The following FRMPD4 variants were observed in gnomAD, a reference collection of about 807,000 sequenced individuals.
The protein encoded by FRMPD4 is FERM and PDZ domain containing 4.
A neutral mutation model predicts 94.1 loss-of-function variants in FRMPD4; 22 were observed. The observed-to-expected ratio is 0.23, with a 90% CI of 0.17 to 0.33. The LOEUF is 0.33. Among genes scored for constraint, FRMPD4 ranks in the 10% least tolerant of loss-of-function variants. The pLI is 1.00. For missense variants in FRMPD4, 1,111 were observed against 1,339.9 expected (o/e 0.83, Z 2.67); for synonymous variants, 631 against 548.6 (o/e 1.15, Z -2.10).
intron 3 of FRMPD4, among the ~76,000 whole-genome samples, chrX:12,096,589 C>T (rs1445908030): frequency 8.9e-6 from 1 of 111,881 alleles, no homozygotes; most frequent in Non-Finnish European, 1.9e-5. Context: ...GATCAAAATC[C>T]GTTAATCAAA....
chrX:12,065,463 G>C (rs2054913034), intron 3 of FRMPD4, among the ~76,000 whole-genome samples: 1 of 112,062 alleles, frequency 8.9e-6, no homozygotes, highest in Non-Finnish European at 1.9e-5. Flanking sequence ...CATTGAAAAG[G>C]CGCAGGCGTT....
intron 14 of FRMPD4, 71 bp from the exon 15 acceptor site, chrX:12,715,998 G>GCCGGGCC: frequency 2.6e-6 from 1 of 383,858 alleles, no homozygotes; most frequent in Non-Finnish European, 4.7e-6. Context: ...ACAGAGACGA[G>GCCGGGCC]CCTCCCACCC....
At chrX:12,298,791 T>A (rs2054812310) in intron 1 of FRMPD4, among the ~76,000 whole-genome samples, 1 of 112,309 alleles carries the variant, frequency 8.9e-6, no homozygotes, top group African/African-American at 3.2e-5. Context: ...GCATCCAACC[T>A]AAAAGGTGCA....
At chrX:12,428,032 C>T (rs2056970089) in intron 1 of FRMPD4, among the ~76,000 whole-genome samples, 2 of 105,944 alleles carry the variant, frequency 1.9e-5, no homozygotes, top group African/African-American at 3.4e-5. Context: ...GCCTCAGCCT[C>T]CCCAGTAGCT....
At chrX:12,001,115 A>C (rs1173548099) in intron 3 of FRMPD4, among the ~76,000 whole-genome samples, 1 of 111,990 alleles carries the variant, frequency 8.9e-6, no homozygotes, top group Non-Finnish European at 1.9e-5. Flanking sequence ...AATCAGAAGA[A>C]AGAGGATGAA....
chrX:12,332,908 A>G (rs923546871), intron 1 of FRMPD4, among the ~76,000 whole-genome samples: 1 of 111,921 alleles, frequency 8.9e-6, no homozygotes, highest in Non-Finnish European at 1.9e-5. Flanking sequence ...CAGAGTAAAT[A>G]TAATCCCGAT....
chrX:12,606,134 AAAG>A (rs201929330), intron 2 of FRMPD4, among the ~76,000 whole-genome samples: 2,535 of 112,560 alleles, frequency 0.023, 73 homozygotes, highest in African/African-American at 0.078. Context: ...GGTATCAATA[AAAG>A]AATAACATAA....
chrX:12,160,219 G>A (rs2056003222), intron 1 of FRMPD4, among the ~76,000 whole-genome samples: 1 of 111,123 alleles, frequency 9.0e-6, no homozygotes, highest in Non-Finnish European at 1.9e-5. Context: ...ACTTTGCATC[G>A]TATTCAAACT....
chrX:12,533,648 CTT>C (rs1203257792), intron 2 of FRMPD4, among the ~76,000 whole-genome samples: 1 of 111,915 alleles, frequency 8.9e-6, no homozygotes, highest in Non-Finnish European at 1.9e-5. Flanking sequence ...AAAGGTGACT[CTT>C]GTTATGTTTT....
chrX:12,358,994 T>C (rs1218045543), intron 1 of FRMPD4, among the ~76,000 whole-genome samples: 2 of 112,268 alleles, frequency 1.8e-5, no homozygotes, highest in Admixed American at 1.9e-4. Flanking sequence ...AGGGAAGCAC[T>C]GTCTTTTTTT....
intron 9 of FRMPD4, among the ~76,000 whole-genome samples, chrX:12,696,737 T>A (rs1448851460): frequency 9.0e-6 from 1 of 111,714 alleles, no homozygotes; most frequent in Non-Finnish European, 1.9e-5. Flanking sequence ...TTAATAACAC[T>A]GGTGTTTGCT....
intron 1 of FRMPD4, among the ~76,000 whole-genome samples, chrX:12,464,005 A>C (rs2148161094): frequency 9.0e-6 from 1 of 111,100 alleles, no homozygotes; most frequent in South Asian, 3.8e-4. Context: ...CTTTTGTGCT[A>C]CAATGACAGA....
At chrX:12,000,567 T>A (rs934561837) in intron 3 of FRMPD4, among the ~76,000 whole-genome samples, 1 of 111,891 alleles carries the variant, frequency 8.9e-6, no homozygotes, top group Non-Finnish European at 1.9e-5. Context: ...GTCAGAGCCA[T>A]CCTCTACTCA....
chrX:12,388,474 G>A (rs776112622), intron 1 of FRMPD4, among the ~76,000 whole-genome samples: 1 of 108,749 alleles, frequency 9.2e-6, no homozygotes, highest in African/African-American at 3.3e-5. Context: ...GCATGGTGGC[G>A]TGCACCTGTA....
At chrX:12,182,302 T>G (rs1286118225) in intron 1 of FRMPD4, among the ~76,000 whole-genome samples, 1 of 111,570 alleles carries the variant, frequency 9.0e-6, no homozygotes, top group Non-Finnish European at 1.9e-5. Context: ...CCTTTCCCCC[T>G]GAAGAGTTTG....
At chrX:11,964,168 G>C (rs2054298111) in intron 3 of FRMPD4, among the ~76,000 whole-genome samples, 1 of 109,628 alleles carries the variant, frequency 9.1e-6, no homozygotes, top group Admixed American at 9.7e-5. Flanking sequence ...TGTTGTTGTT[G>C]TTGTTGTTTG....
intron 1 of FRMPD4, among the ~76,000 whole-genome samples, chrX:12,271,661 C>T (rs761412610): frequency 7.1e-5 from 8 of 112,025 alleles, no homozygotes; most frequent in Non-Finnish European, 1.5e-4. Context: ...AATTTTATAG[C>T]TGAATTTTGT....
rs1409139870 is a variant in FRMPD4, at chrX:12,164,881, C to T, written c.41+25869C>T. Among the ~76,000 whole-genome samples, 3 of 112,219 alleles carry T rather than the reference C, an allele frequency of 2.7e-5. No individual in the cohort carries two copies. The East Asian group carries it at 8.3e-4, about 31-fold the overall frequency. On this transcript the variant is annotated intron_variant, in intron 1 of 16. Transcript: ENST00000675598. ...AGTGTCTGTTCATATCCTTCGCCCACTTTTTGATGGGGTTGTTTGTTTTTT... is the reference window on the plus strand; with the variant it reads ...AGTGTCTGTTCATATCCTTCGCCCATTTTTTGATGGGGTTGTTTGTTTTTT...
intron 2 of FRMPD4, among the ~76,000 whole-genome samples, chrX:12,527,747 C>CA (rs1230069742): frequency 8.9e-6 from 1 of 111,815 alleles, no homozygotes; most frequent in Non-Finnish European, 1.9e-5. Flanking sequence ...TCAATGACGA[C>CA]AATGCCTATG....
Sources: gnomAD v4.1 joint callset for allele counts (sites outside exome capture counted in the v4.1 genomes callset) on GRCh38, gnomAD v4.1.1 for gene constraint, MANE v1.5 for transcripts, NCBI Gene and HGNC (gene_info 2026-07-23, HGNC 2026-07-21) for gene names.